INTS11: variants seen among roughly 807,000 people sequenced by gnomAD.
The protein encoded by INTS11 is integrator complex subunit 11.
A neutral mutation model predicts 78.6 loss-of-function variants in INTS11; 77 were observed. That is an observed-to-expected ratio of 0.98 (90% CI 0.81 to 1.18). The LOEUF (loss-of-function observed/expected upper bound fraction) is 1.18. INTS11 is among the 50% of genes most tolerant of loss of function. The pLI is 0.00. For synonymous variants in INTS11, 441 were observed against 326.9 expected (o/e 1.35, Z -3.77); for missense variants, 875 against 825.9 (o/e 1.06, Z -0.73).
In INTS11 at chr1:1,324,526, G is replaced by T. The variant is rs1017994083; in HGVS notation, c.28+55C>A. The T allele has an allele frequency of 2.5e-5, 39 of 1,549,888 alleles. No homozygotes were observed. In the African/African-American group the frequency reaches 5.1e-4, roughly 20 times the overall value. ...CGGGAGGGAGCGGGGCGCCCAGCCCGCCCGGAGCCGCATACGGAGCCCACC... is the reference window on the plus strand; with the variant it reads ...CGGGAGGGAGCGGGGCGCCCAGCCCTCCCGGAGCCGCATACGGAGCCCACC... On this transcript the variant is annotated intron_variant, in intron 1 of 16. Coordinates refer to ENST00000435064, the MANE Select transcript of INTS11 (RefSeq NM_017871.6).
At chr1:1,313,307 G>A in intron 10 of INTS11, 183 bp from the exon 11 acceptor site, 1 of 883,262 alleles carries the variant, frequency 1.1e-6, no homozygotes, top group Non-Finnish European at 1.8e-6. Context: ...GGCTGGGCTG[G>A]GGCTGTTCTG....
intron 6 of INTS11, 93 bp downstream of exon 6, chr1:1,315,311 G>T: frequency 6.8e-7 from 1 of 1,477,700 alleles, no homozygotes; most frequent in Non-Finnish European, 9.4e-7. Flanking sequence ...GACACTGCCA[G>T]GCTGGCCACT....
intron 1 of INTS11, chr1:1,323,212 G>A: frequency 3.2e-6 from 5 of 1,550,314 alleles, no homozygotes; most frequent in South Asian, 1.2e-5. Flanking sequence ...TCCCGTCCTG[G>A]TGTCTGTGCT....
chr1:1,317,424 A>G (rs1349827529), intron 4 of INTS11: 50 of 959,668 alleles, frequency 5.2e-5, no homozygotes, highest in Non-Finnish European at 4.0e-5. Context: ...AAAAGAATTC[A>G]ACAGATGAAT....
rs368932535 is a variant in INTS11 at position 1,312,147 on chromosome 1, G to A, written c.1608C>T (p.Ser536=). The A allele has an allele frequency of 2.0e-5, 31 of 1,550,752 alleles. No homozygotes were observed. The African/African-American group carries it at 2.2e-4, about 11-fold the overall frequency. ...TALRVYSHLK[S]VLKDHCVQHL... The stretch of plus-strand genomic sequence containing the variant: ...GCTGCACACAGTGGTCCTTCAGGAC[G>A]CTGTGGGGAGGCTCGGTGAGACCCT... The change falls in exon 16 of 17, where the codon AGC becomes AGT. Residue 536 remains serine, a splice_region_variant and synonymous_variant. Transcript: ENST00000435064.
Position 1,311,610 on chromosome 1 carries a change from A to T in INTS11, c.*249T>A. On this transcript the variant is annotated 3_prime_UTR_variant, in exon 17 of 17. Transcript: ENST00000435064. Reference sequence around the variant, plus strand: ...GAGAGTACCAAGTAGTCTTTTGTTCAGCTTTTACTGGAAACTGCTGTCTAG... The same window carrying T: ...GAGAGTACCAAGTAGTCTTTTGTTCTGCTTTTACTGGAAACTGCTGTCTAG... 1.4e-6 allele frequency: 1 copy of T among 715,788 alleles called. No homozygotes were observed. Among genetic ancestry groups the T allele is most frequent in the Non-Finnish European group, 2.5e-6 (1 of 397,994 alleles). The allele number at this position is 715,788 out of a possible 1,614,324, so 44.3% of individuals were successfully genotyped here. A position where few individuals can be genotyped will look rare whatever the true frequency, so the allele number is the denominator to read the frequency against.
At chr1:1,319,904 G>GGGGGTT in intron 3 of INTS11, 1 of 249,908 alleles carries the variant, frequency 4.0e-6, no homozygotes, top group Non-Finnish European at 7.8e-6. Context: ...CCCCAGGAAG[G>GGGGGTT]CACTGGGGAC....
chr1:1,312,034 A>G lies in INTS11; in HGVS notation c.1721T>C (p.Val574Ala), dbSNP rs1003161341. 1 of 1,574,348 alleles carries G rather than the reference A, an allele frequency of 6.4e-7. No homozygotes were observed. Among genetic ancestry groups the G allele is most frequent in the Non-Finnish European group, 8.6e-7 (1 of 1,159,682 alleles). The change falls in exon 16 of 17, where the codon GTC becomes GCC. Residue 574 changes from valine (V) to alanine (A), a missense_variant. By Grantham distance (64) the Val-to-Ala change is moderately conservative. Coordinates refer to ENST00000435064, the MANE Select transcript of INTS11 (RefSeq NM_017871.6). ...SEDPGTKVLL[V>A]SWTYQDEELG... is the part of the protein sequence containing the mutation. ...ACCCCTTACCTGGTAGGTCCAGGAG[A>G]CCAGCAGCACCTTGGTGCCTGGGTC...
rs754013484 is a variant in INTS11, at chr1:1,314,220, G to A, written c.767+81C>T. On this transcript the variant is annotated intron_variant, in intron 8 of 16. Coordinates refer to ENST00000435064, the MANE Select transcript of INTS11 (RefSeq NM_017871.6). This position sits in a 1 kb window ranked among gnomAD's most constrained non-coding sequence, Gnocchi z 4.2. ...AGCAGGGCCAAGATGCCACCGCTACGCTGGACAGGGCTGCCCACCAACTGG... is the reference window on the plus strand; with the variant it reads ...AGCAGGGCCAAGATGCCACCGCTACACTGGACAGGGCTGCCCACCAACTGG... 4.3e-5 allele frequency: 57 copies of A among 1,324,300 alleles called. No homozygotes were observed. The highest frequency in any genetic ancestry group is 2.4e-4 in the South Asian group (19 of 79,114). 82.0% of individuals were successfully genotyped at this position (1,324,300 alleles called of 1,614,324 possible).
In INTS11 at chr1:1,311,744, C is replaced by T. The variant is rs959765067; in HGVS notation, c.*115G>A. ...GCAGGTGACACAAGGCCTCTGTCCC[C>T]AGGGATGGGACCTGCAGGGTCTGTT... is the stretch of plus-strand genomic sequence containing the variant. On this transcript the variant is annotated 3_prime_UTR_variant, in exon 17 of 17. Coordinates refer to ENST00000435064, the MANE Select transcript of INTS11 (RefSeq NM_017871.6). The T allele has an allele frequency of 1.3e-4, 143 of 1,108,240 alleles. 1 individual carries two copies. The highest frequency in any genetic ancestry group is 4.8e-4 in the South Asian group (33 of 68,192). 68.7% of individuals were successfully genotyped at this position (1,108,240 alleles called of 1,614,324 possible). A position where few individuals can be genotyped will look rare whatever the true frequency, so the allele number is the denominator to read the frequency against.
chr1:1,319,699 T>C (rs1019867607), intron 3 of INTS11, 175 bp from the exon 4 acceptor site: 1 of 585,156 alleles, frequency 1.7e-6, no homozygotes, highest in South Asian at 2.1e-5. Context: ...ACTTTCAGTC[T>C]CAAAGTCTAG....
In INTS11 at chr1:1,314,053, A is replaced by G. The variant is rs543625351; in HGVS notation, c.768-132T>C. The G allele has an allele frequency of 3.2e-6, 3 of 942,618 alleles. No individual in the cohort carries two copies. Among genetic ancestry groups the G allele is most frequent in the African/African-American group, 1.6e-5 (1 of 61,062 alleles). The allele number at this position is 942,618 out of a possible 1,614,324, so 58.4% of individuals were successfully genotyped here. A position where few individuals can be genotyped will look rare whatever the true frequency, so the allele number is the denominator to read the frequency against. On this transcript the variant is annotated intron_variant, in intron 8 of 16. Transcript: ENST00000435064. The surrounding 1 kb of genome is among the most constrained non-coding windows in gnomAD (Gnocchi z 4.2). The stretch of plus-strand genomic sequence containing the variant: ...GGCCAGGTTGAGTCCAGTCGCGACC[A>G]CTTGTCCCATTAAGCCCTGCAGCAG...
Position 1,312,720 on chromosome 1 carries a change from A to C in INTS11, c.1295-20T>G, listed in dbSNP as rs755023919. On this transcript the variant is annotated intron_variant, in intron 12 of 16. Transcript: ENST00000435064. ...TGACCCCTGGACCCCGGGGGAAGAG[A>C]GAGCCTCAGCCCAGGCTGCCCGTGC... 9 of 1,589,546 alleles carry C rather than the reference A, an allele frequency of 5.7e-6. No homozygotes were observed. The East Asian group carries it at 1.1e-4, about 20-fold the overall frequency.
chr1:1,314,532 C>A lies in INTS11; in HGVS notation c.703-167G>T. Reference sequence around the variant, plus strand: ...GCCGCTCTCCAGAGACAGAAGGGAGCCGTATGAGAGACAGGAGGGAGCCGC... The same window carrying A: ...GCCGCTCTCCAGAGACAGAAGGGAGACGTATGAGAGACAGGAGGGAGCCGC... On this transcript the variant is annotated intron_variant, in intron 7 of 16. Coordinates refer to ENST00000435064, the MANE Select transcript of INTS11 (RefSeq NM_017871.6). The surrounding 1 kb of genome is among the most constrained non-coding windows in gnomAD (Gnocchi z 4.2). The A allele has an allele frequency of 1.5e-6, 1 of 664,430 alleles. No homozygotes were observed. The highest frequency in any genetic ancestry group is 1.8e-5 in the African/African-American group (1 of 54,674). 41.2% of individuals were successfully genotyped at this position (664,430 alleles called of 1,614,324 possible). A position where few individuals can be genotyped will look rare whatever the true frequency, so the allele number is the denominator to read the frequency against.
At chr1:1,317,780 C>T (rs1642705702) in intron 4 of INTS11, 1 of 152,156 alleles carries the variant, frequency 6.6e-6, no homozygotes, top group Non-Finnish European at 1.5e-5. Flanking sequence ...AGACAAAATA[C>T]TGTCAACCTA....
In INTS11 at chr1:1,320,469, A is replaced by T; in HGVS notation, c.187T>A (p.Cys63Ser). The change falls in exon 3 of 17, where the codon TGT becomes AGT. Residue 63 changes from cysteine (C) to serine (S), a missense_variant. Coordinates refer to ENST00000435064, the MANE Select transcript of INTS11 (RefSeq NM_017871.6). ...QNGRLTDFLD[C>S]VIISHFHLDH... Reference sequence around the variant, plus strand: ...ACAGGAACCCACCTAATGATCACACAGTCCAGGAAGTCTGTTAGGCGGCCG... The same window carrying T: ...ACAGGAACCCACCTAATGATCACACTGTCCAGGAAGTCTGTTAGGCGGCCG... 6.2e-7 allele frequency: 1 copy of T among 1,613,890 alleles called. No homozygotes were observed. The highest frequency in any genetic ancestry group is 8.5e-7 in the Non-Finnish European group (1 of 1,179,910).
In INTS11 at chr1:1,314,720, C is replaced by G; in HGVS notation, c.702+104G>C. ...TCCCTCCCTGCCTGAAAATGCAGTA[C>G]CCCCCACCCTGAGACCCTGACCCAT... On this transcript the variant is annotated intron_variant, in intron 7 of 16. Transcript: ENST00000435064. This position sits in a 1 kb window ranked among gnomAD's most constrained non-coding sequence, Gnocchi z 4.2. 5 of 1,326,204 alleles carry G rather than the reference C, an allele frequency of 3.8e-6. No individual in the cohort carries two copies. The South Asian group carries it at 6.9e-5, about 18-fold the overall frequency. 82.2% of individuals were successfully genotyped at this position (1,326,204 alleles called of 1,614,324 possible). A position where few individuals can be genotyped will look rare whatever the true frequency, so the allele number is the denominator to read the frequency against.
At chr1:1,319,254 G>A in intron 4 of INTS11, 42 bp downstream of exon 4, 1 of 1,496,130 alleles carries the variant, frequency 6.7e-7, no homozygotes, top group Admixed American at 1.7e-5. Flanking sequence ...TTGGTGTGGG[G>A]GTGGGCAGTG....
intron 1 of INTS11, chr1:1,322,985 GGGCAGAACA>G: frequency 7.2e-7 from 1 of 1,383,550 alleles, no homozygotes; most frequent in Non-Finnish European, 9.4e-7. Flanking sequence ...TCCAGAGAGT[GGGCAGAACA>G]GGCAGCCAAG....
Sources: allele counts gnomAD v4.1 joint callset, GRCh38; gene constraint gnomAD v4.1.1; non-coding constraint Gnocchi (gnomAD v3.1); transcripts MANE v1.5; gene names NCBI Gene and HGNC (gene_info 2026-07-23, HGNC 2026-07-21).